VPS13B: variants seen among roughly 807,000 people sequenced by gnomAD.
The protein encoded by VPS13B is intermembrane lipid transfer protein VPS13B.
In VPS13B, 285 loss-of-function variants were observed where a neutral mutation model predicts 426.4. The observed-to-expected ratio is 0.67, with a 90% CI of 0.61 to 0.74. VPS13B has a LOEUF of 0.74. Ranked by LOEUF, VPS13B falls within the 30% of genes least tolerant of loss-of-function variation. The pLI, the probability that VPS13B is intolerant of heterozygous loss-of-function variation, is 0.00. For synonymous variants in VPS13B, 1,676 were observed against 1,676.4 expected (o/e 1.00, Z 0.01); for missense variants, 4,537 against 4,782.6 (o/e 0.95, Z 1.51).
chr8:99,771,712 G>A (rs1811499548), intron 40 of VPS13B, among the ~76,000 whole-genome samples: 2 of 152,172 alleles, frequency 1.3e-5, no homozygotes, highest in African/African-American at 2.4e-5. Flanking sequence ...CCCAAAAAGT[G>A]ACTGTGGCCT....
intron 52 of VPS13B, 39 bp from the exon 53 acceptor site, chr8:99,835,158 T>C (rs751251834): frequency 7.7e-5 from 124 of 1,613,452 alleles, no homozygotes; most frequent in Non-Finnish European, 8.2e-5. Context: ...TCATTTTTTT[T>C]CCTAAACATT....
chr8:99,678,784 C>T (rs771949811), intron 35 of VPS13B, among the ~76,000 whole-genome samples: 1 of 152,104 alleles, frequency 6.6e-6, no homozygotes, highest in Admixed American at 6.5e-5. Flanking sequence ...CATTCCCCAA[C>T]CTACTATTTG....
At chr8:99,324,289 A>G (rs907813696) in intron 19 of VPS13B, among the ~76,000 whole-genome samples, 9 of 152,208 alleles carry the variant, frequency 5.9e-5, no homozygotes, top group Non-Finnish European at 8.8e-5. Context: ...TATTTACTCT[A>G]ACCAAATATT....
At chr8:99,335,119 T>C (rs1205042221) in intron 19 of VPS13B, among the ~76,000 whole-genome samples, 1 of 152,204 alleles carries the variant, frequency 6.6e-6, no homozygotes, top group African/African-American at 2.4e-5. Context: ...TATCCATTTC[T>C]TCTAGATTTT....
At position 99,721,126 on chromosome 8, in the gene VPS13B, A is replaced by G. The variant is rs1833112305; in HGVS notation, c.7050+79A>G. ...ATATATTAGGAAAAATGTTTGGAAC[A>G]TACTTACTTCTTACATTAATAGTAT... On this transcript the variant is annotated intron_variant, in intron 39 of 61. Transcript: ENST00000357162. 4.2e-6 allele frequency: 6 copies of G among 1,435,108 alleles called. No homozygotes were observed. The South Asian group carries it at 4.6e-5, about 11-fold the overall frequency. The allele number at this position is 1,435,108 out of a possible 1,614,324, so 88.9% of individuals were successfully genotyped here. A position where few individuals can be genotyped will look rare whatever the true frequency, so the allele number is the denominator to read the frequency against.
At chr8:99,617,685 A>G (rs1275479125) in intron 33 of VPS13B, among the ~76,000 whole-genome samples, 1 of 152,246 alleles carries the variant, frequency 6.6e-6, no homozygotes, top group Non-Finnish European at 1.5e-5. Flanking sequence ...TGCTTTGGAC[A>G]GAATTAAGTG....
intron 33 of VPS13B, among the ~76,000 whole-genome samples, chr8:99,610,372 A>C (rs1054833463): frequency 2.0e-5 from 3 of 152,222 alleles, no homozygotes; most frequent in African/African-American, 7.2e-5. Context: ...CTGATAAAGA[A>C]AACGTGGCAC....
chr8:99,544,740 A>C (rs1203847058), intron 30 of VPS13B, among the ~76,000 whole-genome samples: 1 of 152,210 alleles, frequency 6.6e-6, no homozygotes, highest in African/African-American at 2.4e-5. Context: ...TATCCCAGCT[A>C]CACAAGAGGT....
At chr8:99,753,343 G>C (rs1217995073) in intron 39 of VPS13B, among the ~76,000 whole-genome samples, 1 of 152,162 alleles carries the variant, frequency 6.6e-6, no homozygotes. Context: ...GCAAGTAAAT[G>C]TAGAATTAAG....
rs376382726 is a variant in VPS13B at position 99,087,910 on chromosome 8, G to A, written c.292-8402G>A. Among the ~76,000 whole-genome samples, 44 of 152,044 alleles carry A rather than the reference G, an allele frequency of 2.9e-4. No individual in the cohort carries two copies. In the South Asian group the frequency reaches 7.1e-3, roughly 24 times the overall value. The stretch of plus-strand genomic sequence containing the variant: ...AAAAATTGAATTTATTAGGCTGGGC[G>A]CAGTGGCTCATGTCGGTAAACCCAG... On this transcript the variant is annotated intron_variant, in intron 3 of 61. Coordinates refer to ENST00000357162, the MANE Select transcript of VPS13B (RefSeq NM_152564.5).
At chr8:99,691,970 A>T (rs944277947) in intron 35 of VPS13B, among the ~76,000 whole-genome samples, 3 of 152,072 alleles carry the variant, frequency 2.0e-5, no homozygotes, top group African/African-American at 7.3e-5. Context: ...TGGTAAAGGG[A>T]TCAATTCAAC....
chr8:99,817,820 A>T lies in VPS13B; in HGVS notation c.8361+17A>T. The T allele has an allele frequency of 6.2e-7, 1 of 1,614,010 alleles. No homozygotes were observed. ...GTCATTCAGGTTTGAAAAGACGTTC[A>T]ATCTAGAATAGAGCAGCTTTACCAT... On this transcript the variant is annotated intron_variant, in intron 45 of 61. Coordinates refer to ENST00000357162, the MANE Select transcript of VPS13B (RefSeq NM_152564.5).
chr8:99,225,401 C>T (rs1438653535), intron 17 of VPS13B, among the ~76,000 whole-genome samples: 5 of 151,992 alleles, frequency 3.3e-5, no homozygotes, highest in Admixed American at 6.6e-5. Flanking sequence ...CTCAGCCTCC[C>T]GAGTAGCTGG....
intron 30 of VPS13B, chr8:99,536,828 A>G (rs1485449491): frequency 2.0e-6 from 1 of 511,146 alleles, no homozygotes; most frequent in Admixed American, 2.0e-5. Flanking sequence ...TGATTTTAAG[A>G]ACACCTGATA....
chr8:99,542,674 G>T (rs1353114270), intron 30 of VPS13B, among the ~76,000 whole-genome samples: 1 of 152,092 alleles, frequency 6.6e-6, no homozygotes, highest in Non-Finnish European at 1.5e-5. Flanking sequence ...AAGTATTTTT[G>T]ATCAGGTTTG....
chr8:99,255,622 AGG>A (rs1308063110), intron 17 of VPS13B, among the ~76,000 whole-genome samples: 1 of 152,124 alleles, frequency 6.6e-6, no homozygotes, highest in Non-Finnish European at 1.5e-5. Context: ...ATTTAAGGCC[AGG>A]GGGGATTCTT....
intron 17 of VPS13B, chr8:99,209,564 CA>C (rs1222011793): frequency 1.1e-4 from 30 of 263,168 alleles, no homozygotes; most frequent in Middle Eastern, 1.4e-3. Flanking sequence ...ATTTTAATAA[CA>C]ATTTTTTTTT....
intron 19 of VPS13B, among the ~76,000 whole-genome samples, chr8:99,287,370 G>C (rs1308920211): frequency 6.6e-6 from 1 of 151,498 alleles, no homozygotes; most frequent in East Asian, 1.9e-4. Context: ...ATGGATATAT[G>C]TAGCTATCTA....
At position 99,778,957 on chromosome 8, in the gene VPS13B, G is replaced by A. The variant is rs780461877; in HGVS notation, c.7705G>A (p.Val2569Ile). 1.9e-6 allele frequency: 3 copies of A among 1,613,862 alleles called. No individual in the cohort carries two copies. The highest frequency in any genetic ancestry group is 2.5e-6 in the Non-Finnish European group (3 of 1,179,890). ...AAAGCTGCTTGACTGCACCGTGATAGTTGATTCTGTATTTGTAAACCTTGG... is the reference window on the plus strand; with the variant it reads ...AAAGCTGCTTGACTGCACCGTGATAATTGATTCTGTATTTGTAAACCTTGG... ...VEKLLDCTVI[V>I]DSVFVNLGQH... The change falls in exon 42 of 62, where the codon GTT becomes ATT. Residue 2569 changes from valine to isoleucine, a missense_variant. By Grantham distance (29) the Val-to-Ile change is conservative. Around this residue, in one of 2 missense-constraint regions of VPS13B, gnomAD observed 4,311 missense variants for 4,474.3 expected, o/e 0.96. Coordinates refer to ENST00000357162, the MANE Select transcript of VPS13B (RefSeq NM_152564.5).
Sources: gnomAD v4.1 joint callset for allele counts (sites outside exome capture counted in the v4.1 genomes callset) on GRCh38, gnomAD v4.1.1 for gene constraint, gnomAD v4.1.1 regional missense constraint, MANE v1.5 for transcripts, NCBI Gene and HGNC (gene_info 2026-07-23, HGNC 2026-07-21) for gene names.